Variants in FMO5 observed in about 807,000 individuals in gnomAD.
FMO5 encodes flavin containing dimethylaniline monoxygenase 5, also known as flavin-containing monooxygenase 5.
Under a neutral mutation model 43.6 loss-of-function variants are expected in FMO5, and 51 were observed. The ratio of observed to expected loss-of-function variants is 1.17; its 90% CI spans 0.93 to 1.48. The LOEUF (loss-of-function observed/expected upper bound fraction) is 1.48. Among genes scored for constraint, FMO5 ranks in the 40% most tolerant of loss-of-function variants. The pLI, the probability that FMO5 is intolerant of heterozygous loss-of-function variation, is 0.00. For synonymous variants in FMO5, 187 were observed against 216.5 expected, an observed-to-expected ratio of 0.86 and a Z score of 1.20; for missense variants, 644 against 643.0, an observed-to-expected ratio of 1.00 and a Z score of -0.02.
chr1:147,204,212 ACTG>A, intron 6 of FMO5: 2 of 1,386,196 alleles, frequency 1.4e-6, no homozygotes, highest in Non-Finnish European at 2.1e-6. Flanking sequence ...ACAAGAGTAC[ACTG>A]CTATTTTTGC....
At position 147,186,834 on chromosome 1, in the gene FMO5, G is replaced by T. The variant is rs782485488; in HGVS notation, c.*66C>A. 1 of 1,531,778 alleles carries T rather than the reference G, an allele frequency of 6.5e-7. No individual in the cohort carries two copies. Among genetic ancestry groups the T allele is most frequent in the Non-Finnish European group, 8.7e-7 (1 of 1,142,906 alleles). 94.9% of individuals were successfully genotyped at this position (1,531,778 alleles called of 1,614,324 possible). A position where few individuals can be genotyped will look rare whatever the true frequency, so the allele number is the denominator to read the frequency against. On this transcript the variant is annotated 3_prime_UTR_variant, in exon 9 of 9. Transcript: ENST00000254090. The stretch of plus-strand genomic sequence containing the variant: ...CAATATGAAACTGAGAGTCAATCTC[G>T]TCAGATTCTGAAGGCATCTGTAGAT...
At chr1:147,195,160 T>A (rs978261301) in intron 7 of FMO5, among the ~76,000 whole-genome samples, 22 of 152,132 alleles carry the variant, frequency 1.4e-4, no homozygotes, top group African/African-American at 5.3e-4. Flanking sequence ...CGACGTAGAT[T>A]TGGTCTTTTC....
At chr1:147,224,068 C>T in intron 2 of FMO5, 1 of 374,308 alleles carries the variant, frequency 2.7e-6, no homozygotes, top group Non-Finnish European at 5.2e-6. Context: ...TCCTGCCTGC[C>T]CTGTGTCCCA....
chr1:147,194,666 T>C (rs1396690433), intron 7 of FMO5, among the ~76,000 whole-genome samples: 2 of 152,170 alleles, frequency 1.3e-5, no homozygotes, highest in African/African-American at 4.8e-5. Flanking sequence ...TTTCCATGTT[T>C]AGTGCTTCCT....
In FMO5 at chr1:147,215,821, G is replaced by T. The variant is rs782795060; in HGVS notation, c.257C>A (p.Ala86Asp). 3 of 1,613,526 alleles carry T rather than the reference G, an allele frequency of 1.9e-6. No homozygotes were observed. The Admixed American group carries it at 5.0e-5, about 27-fold the overall frequency. Residue 86 changes from alanine to aspartate, a missense_variant, in exon 3 of 9, where the codon GCC becomes GAC. Physicochemically the swap from Ala to Asp is moderately radical, Grantham distance 126. Transcript: ENST00000254090. The part of the protein sequence containing the change: ...PDHYPNFMHN[A>D]QVLEYFRMYA... ...CATCCTGAAATACTCCAGGACCTGG[G>T]CATTATGCATGAAGTTGGGATAATG...
At chr1:147,184,749 C>A, downstream of FMO5, 1 of 1,213,386 alleles carries the variant, frequency 8.2e-7, no homozygotes, top group Non-Finnish European at 1.1e-6. The surrounding 1 kb of genome is among the most constrained non-coding windows in gnomAD (Gnocchi z 4.4). Context: ...TCTTGATAAC[C>A]TAGCCGAGAT....
intron 7 of FMO5, among the ~76,000 whole-genome samples, chr1:147,192,852 GGGA>G (rs1429405420): frequency 2.0e-5 from 3 of 152,114 alleles, no homozygotes; most frequent in Non-Finnish European, 4.4e-5. Context: ...TTGCATCCCA[GGGA>G]TGAAGCCCAC....
chr1:147,186,789 C>T lies in FMO5; in HGVS notation c.*111G>A. 12 of 1,495,722 alleles carry T rather than the reference C, an allele frequency of 8.0e-6. No homozygotes were observed. Among genetic ancestry groups the T allele is most frequent in the Non-Finnish European group, 1.1e-5 (12 of 1,129,398 alleles). 92.7% of individuals were successfully genotyped at this position (1,495,722 alleles called of 1,614,324 possible). A position where few individuals can be genotyped will look rare whatever the true frequency, so the allele number is the denominator to read the frequency against. On this transcript the variant is annotated 3_prime_UTR_variant, in exon 9 of 9. Coordinates refer to ENST00000254090, the MANE Select transcript of FMO5 (RefSeq NM_001461.4). ...AGTGAATTAATGCTTTCGAAAGAGA[C>T]ATTAAAGTAGATTTCTGGGCAATAT...
At chr1:147,204,858 T>C in intron 6 of FMO5, 1 of 1,601,002 alleles carries the variant, frequency 6.2e-7, no homozygotes, top group Non-Finnish European at 8.6e-7. Flanking sequence ...CAGCCTCTTC[T>C]AATTCTGAAA....
chr1:147,211,221 G>A (rs1476217816), intron 5 of FMO5: 11 of 152,190 alleles, frequency 7.2e-5, no homozygotes, highest in African/African-American at 2.7e-4. Context: ...GAGCAGGTAA[G>A]GCCAAGCTCC....
chr1:147,201,140 A>C lies in FMO5; in HGVS notation c.1183+12T>G. ...CCAAGTAATTAAGTAGTCTATTTGC[A>C]TGGTCACTTACCTTTAAATACCTGA... On this transcript the variant is annotated intron_variant, in intron 7 of 8. Coordinates refer to ENST00000254090, the MANE Select transcript of FMO5 (RefSeq NM_001461.4). The C allele has an allele frequency of 6.4e-7, 1 of 1,574,608 alleles. No individual in the cohort carries two copies. The highest frequency in any genetic ancestry group is 1.1e-5 in the South Asian group (1 of 88,026).
chr1:147,224,854 G>T (rs781832568), intron 2 of FMO5, 41 bp downstream of exon 2: 1 of 1,591,384 alleles, frequency 6.3e-7, no homozygotes, highest in South Asian at 1.1e-5. Flanking sequence ...CCTAGTTGCA[G>T]GGAGGGTTTC....
chr1:147,188,344 C>T (rs1656001106), intron 8 of FMO5, among the ~76,000 whole-genome samples: 2 of 151,514 alleles, frequency 1.3e-5, no homozygotes, highest in African/African-American at 2.4e-5. Flanking sequence ...GGCAACATGG[C>T]GAAACCCCAT....
chr1:147,207,769 A>T (rs782318338), intron 6 of FMO5, among the ~76,000 whole-genome samples: 6 of 152,130 alleles, frequency 3.9e-5, no homozygotes, highest in African/African-American at 7.2e-5. Flanking sequence ...GTTTAATAGT[A>T]TGTACTTACT....
intron 2 of FMO5, 76 bp downstream of exon 2, chr1:147,224,819 C>T (rs1663732539): frequency 6.8e-7 from 1 of 1,464,934 alleles, no homozygotes; most frequent in Middle Eastern, 1.8e-4. Context: ...CCACCTGACA[C>T]TGTTAAGATA....
intron 3 of FMO5, 135 bp from the exon 4 acceptor site, chr1:147,213,605 CAAAT>C (rs1164697376): frequency 5.8e-6 from 4 of 694,650 alleles, no homozygotes; most frequent in Non-Finnish European, 8.8e-6. Flanking sequence ...TCATACTCCA[CAAAT>C]AAGAACTGTT....
chr1:147,204,284 C>T lies in FMO5; in HGVS notation c.831-2780G>A. ...TTCTTAAAAACCATGCCATGCAATACTGAAGAGGAAGTGATACCACAGCCC... is the reference window on the plus strand; with the variant it reads ...TTCTTAAAAACCATGCCATGCAATATTGAAGAGGAAGTGATACCACAGCCC... On this transcript the variant is annotated intron_variant, in intron 6 of 8. Transcript: ENST00000254090. 5 of 991,484 alleles carry T rather than the reference C, an allele frequency of 5.0e-6. No homozygotes were observed. The East Asian group carries it at 1.2e-4, about 24-fold the overall frequency. The allele number at this position is 991,484 out of a possible 1,614,324, so 61.4% of individuals were successfully genotyped here.
In FMO5 at chr1:147,208,940, A is replaced by C; in HGVS notation, c.742T>G (p.Cys248Gly). Reference sequence around the variant, plus strand: ...TATTTGTTTGCTAATGATTGGCCACAGATCTTCCATATAAAATGTGTAAGT... The same window carrying C: ...TATTTGTTTGCTAATGATTGGCCACCGATCTTCCATATAAAATGTGTAAGT... Reference protein sequence around the residue: ...SRLTHFIWKICGQSLANKYLE... With the variant: ...SRLTHFIWKIGGQSLANKYLE... Residue 248 changes from cysteine (C) to glycine (G), a missense_variant, in exon 6 of 9, where the codon TGT becomes GGT. By Grantham distance (159) the Cys-to-Gly change is radical. Transcript: ENST00000254090. 1 of 1,614,090 alleles carries C rather than the reference A, an allele frequency of 6.2e-7. No individual in the cohort carries two copies. The highest frequency in any genetic ancestry group is 8.5e-7 in the Non-Finnish European group (1 of 1,179,920).
intron 2 of FMO5, among the ~76,000 whole-genome samples, chr1:147,217,097 G>T (rs1394044399): frequency 6.6e-6 from 1 of 151,916 alleles, no homozygotes. Flanking sequence ...AAAATTAGCC[G>T]GGCGTGGTGG....
Sources: allele counts gnomAD v4.1 joint callset (sites outside exome capture counted in the v4.1 genomes callset), GRCh38; gene constraint gnomAD v4.1.1; non-coding constraint Gnocchi (gnomAD v3.1); transcripts MANE v1.5; gene names NCBI Gene and HGNC (gene_info 2026-07-23, HGNC 2026-07-21).